Variants in MLLT3 observed in about 807,000 individuals in gnomAD.
MLLT3 encodes the protein MLLT3 super elongation complex subunit.
A neutral mutation model predicts 53.2 loss-of-function variants in MLLT3; 4 were observed. The ratio of observed to expected loss-of-function variants is 0.08; its 90% CI spans 0.04 to 0.17. MLLT3 has a LOEUF of 0.17. Ranked by LOEUF, MLLT3 falls within the 10% of genes least tolerant of loss-of-function variation. The pLI is 1.00. For synonymous variants in MLLT3, 283 were observed against 230.6 expected (o/e 1.23, Z -2.06); for missense variants, 569 against 684.0 (o/e 0.83, Z 1.87).
chr9:20,549,361 T>C (rs1818870138), intron 2 of MLLT3, among the ~76,000 whole-genome samples: 1 of 152,182 alleles, frequency 6.6e-6, no homozygotes, highest in Admixed American at 6.5e-5. Flanking sequence ...CAATCTCTGT[T>C]ACCAACCCAG....
At chr9:20,390,552 C>T (rs748618844) in intron 5 of MLLT3, among the ~76,000 whole-genome samples, 24 of 152,160 alleles carry the variant, frequency 1.6e-4, no homozygotes, top group Non-Finnish European at 2.8e-4. Flanking sequence ...GCTCAACAAC[C>T]CAGATATGAT....
At chr9:20,457,959 C>G (rs1364070266) in intron 2 of MLLT3, among the ~76,000 whole-genome samples, 1 of 152,182 alleles carries the variant, frequency 6.6e-6, no homozygotes, top group Admixed American at 6.5e-5. Flanking sequence ...CCTGAGTCCT[C>G]TTCAGCAGCC....
At chr9:20,487,561 T>C (rs1232136425) in intron 2 of MLLT3, among the ~76,000 whole-genome samples, 1 of 152,130 alleles carries the variant, frequency 6.6e-6, no homozygotes, top group East Asian at 1.9e-4. Context: ...TATTCATCAC[T>C]TTCTTACAAC....
At chr9:20,578,043 A>C (rs866904137) in intron 2 of MLLT3, among the ~76,000 whole-genome samples, 1 of 152,196 alleles carries the variant, frequency 6.6e-6, no homozygotes, top group East Asian at 1.9e-4. Context: ...AGACCTACAT[A>C]CTACTAAACA....
chr9:20,533,219 T>C (rs1818391230), intron 2 of MLLT3: 2 of 323,560 alleles, frequency 6.2e-6, no homozygotes, highest in South Asian at 6.2e-5. Context: ...GTGGAAGCCA[T>C]CAGGACCAAT....
At chr9:20,569,177 TCAA>T (rs1819460556) in intron 2 of MLLT3, among the ~76,000 whole-genome samples, 1 of 152,014 alleles carries the variant, frequency 6.6e-6, no homozygotes, top group Non-Finnish European at 1.5e-5. Context: ...CTCAATAAGA[TCAA>T]CAACAGCAGC....
chr9:20,459,570 T>C (rs1824058791), intron 2 of MLLT3, among the ~76,000 whole-genome samples: 1 of 152,212 alleles, frequency 6.6e-6, no homozygotes, highest in Non-Finnish European at 1.5e-5. Flanking sequence ...AGGTAGTTTA[T>C]TTTGTGGGCT....
intron 2 of MLLT3, among the ~76,000 whole-genome samples, chr9:20,534,219 G>A (rs980264608): frequency 3.3e-5 from 5 of 152,140 alleles, no homozygotes; most frequent in Non-Finnish European, 7.3e-5. Context: ...TCATGTCTTC[G>A]GAAAGTTGCT....
At chr9:20,498,633 G>A (rs1415673259) in intron 2 of MLLT3, among the ~76,000 whole-genome samples, 1 of 152,108 alleles carries the variant, frequency 6.6e-6, no homozygotes, top group Non-Finnish European at 1.5e-5. Context: ...ATTTTTTTGT[G>A]TGTGATTTGT....
At chr9:20,609,578 G>A (rs948882181) in intron 2 of MLLT3, among the ~76,000 whole-genome samples, 5 of 152,144 alleles carry the variant, frequency 3.3e-5, no homozygotes, top group Non-Finnish European at 7.4e-5. Context: ...AAAACCCAAC[G>A]ATCTAATGGC....
chr9:20,463,049 G>C (rs1824150612), intron 2 of MLLT3, among the ~76,000 whole-genome samples: 1 of 152,050 alleles, frequency 6.6e-6, no homozygotes, highest in Non-Finnish European at 1.5e-5. Flanking sequence ...CACACACTCA[G>C]AAATTCATGT....
In MLLT3 at chr9:20,358,749, G is replaced by A. The variant is rs191585502; in HGVS notation, c.1431+1993C>T. Among the ~76,000 whole-genome samples the A allele has an allele frequency of 1.6e-3, 250 of 151,990 alleles. 1 individual carries two copies. Among genetic ancestry groups the A allele is most frequent in the African/African-American group, 5.9e-3 (243 of 41,456 alleles). On this transcript the variant is annotated intron_variant, in intron 8 of 10. Transcript: ENST00000380338. Reference sequence around the variant, plus strand: ...GATGAGTGAGGGGCACAAAAGCAGAGCCTAATGCCCTACACTCCTGGCCCT... The same window carrying A: ...GATGAGTGAGGGGCACAAAAGCAGAACCTAATGCCCTACACTCCTGGCCCT...
At chr9:20,476,379 C>T (rs924926330) in intron 2 of MLLT3, among the ~76,000 whole-genome samples, 1 of 152,028 alleles carries the variant, frequency 6.6e-6, no homozygotes, top group African/African-American at 2.4e-5. Context: ...TCACTTTAAT[C>T]GGGAGTTAAA....
In MLLT3 at chr9:20,419,908, A is replaced by T. The variant is rs951367255; in HGVS notation, c.421-5483T>A. On this transcript the variant is annotated intron_variant, in intron 4 of 10. Coordinates refer to ENST00000380338, the MANE Select transcript of MLLT3 (RefSeq NM_004529.4). ...TACAGATTTAAATCTAAATGAAAAA[A>T]AAACTGTAATATAAGTCCTCAACAT... is the stretch of plus-strand genomic sequence containing the variant. Among the ~76,000 whole-genome samples, 4 of 152,240 alleles carry T rather than the reference A, an allele frequency of 2.6e-5. No individual in the cohort carries two copies. The South Asian group carries it at 8.3e-4, about 32-fold the overall frequency.
chr9:20,585,080 A>G (rs1819916201), intron 2 of MLLT3, among the ~76,000 whole-genome samples: 1 of 152,194 alleles, frequency 6.6e-6, no homozygotes, highest in African/African-American at 2.4e-5. Context: ...TTGCCTTAAC[A>G]AAATACCATA....
At chr9:20,352,319 G>C (rs549319941) in intron 10 of MLLT3, among the ~76,000 whole-genome samples, 3 of 152,194 alleles carry the variant, frequency 2.0e-5, no homozygotes, top group Non-Finnish European at 4.4e-5. Context: ...TTCAGAGCTG[G>C]TGTTTGGGAA....
At chr9:20,550,463 C>T (rs1375493849) in intron 2 of MLLT3, among the ~76,000 whole-genome samples, 1 of 152,124 alleles carries the variant, frequency 6.6e-6, no homozygotes, top group Non-Finnish European at 1.5e-5. Context: ...ACAGGTCTTG[C>T]TTTGTCACCC....
intron 3 of MLLT3, among the ~76,000 whole-genome samples, chr9:20,450,417 C>A (rs950059791): frequency 1.3e-5 from 2 of 152,160 alleles, no homozygotes; most frequent in Non-Finnish European, 2.9e-5. Flanking sequence ...TTTAATGGTT[C>A]ATCATTTTCT....
At chr9:20,532,697 G>T in intron 2 of MLLT3, 1 of 260,452 alleles carries the variant, frequency 3.8e-6, no homozygotes, top group African/African-American at 2.3e-5. Flanking sequence ...CAGCCCAAAA[G>T]GGACTTAACT....
Sources: allele counts gnomAD v4.1 joint callset (sites outside exome capture counted in the v4.1 genomes callset), GRCh38; gene constraint gnomAD v4.1.1; transcripts MANE v1.5; gene names NCBI Gene and HGNC (gene_info 2026-07-23, HGNC 2026-07-21).